Variants in TFCP2L1 observed in about 807,000 individuals in gnomAD.
The protein encoded by TFCP2L1 is transcription factor CP2 like 1.
Under a neutral mutation model 72.2 loss-of-function variants are expected in TFCP2L1, and 12 were observed. That is an observed-to-expected ratio of 0.17 (90% CI 0.11 to 0.27). TFCP2L1 has a LOEUF of 0.27. Among genes scored for constraint, TFCP2L1 ranks in the 10% least tolerant of loss-of-function variants. The pLI is 1.00. For synonymous variants in TFCP2L1, 260 were observed against 251.0 expected (o/e 1.04, Z -0.34); for missense variants, 488 against 624.6 (o/e 0.78, Z 2.33).
In TFCP2L1 at chr2:121,276,607, G is replaced by A. The variant is rs377272879; in HGVS notation, c.214+4513C>T. Among the ~76,000 whole-genome samples, 145 of 150,932 alleles carry A rather than the reference G, an allele frequency of 9.6e-4. 4 individuals carry two copies. In the South Asian group the frequency reaches 0.028, roughly 29 times the overall value. On this transcript the variant is annotated intron_variant, in intron 2 of 14. Transcript: ENST00000263707. ...GAGATGGAGCTACTGCACTCCAGTC[G>A]GGGTGATGGAGCAAGACCCTGTCTC...
intron 13 of TFCP2L1, among the ~76,000 whole-genome samples, chr2:121,229,617 C>G (rs1686099848): frequency 6.6e-6 from 1 of 152,202 alleles, no homozygotes; most frequent in Admixed American, 6.5e-5. Flanking sequence ...CCACCACTAG[C>G]TCCCCCAAAT....
chr2:121,269,907 T>TCAAAAAAAAAAAAAAAAAAAAAAAAAAAA (rs750107740), intron 2 of TFCP2L1, among the ~76,000 whole-genome samples: 2 of 77,608 alleles, frequency 2.6e-5, no homozygotes, highest in Non-Finnish European at 2.3e-5. Flanking sequence ...AGACTCCATC[T>TCAAAAAAAAAAAAAAAAAAAAAAAAAAAA]AAAAAAAAAA....
At chr2:121,244,203 C>T (rs984109833) in intron 6 of TFCP2L1, among the ~76,000 whole-genome samples, 13 of 152,224 alleles carry the variant, frequency 8.5e-5, no homozygotes, top group African/African-American at 3.1e-4. Flanking sequence ...ATGCAGGGCA[C>T]GCACTGGGCC....
chr2:121,241,622 A>T (rs1242949099), intron 7 of TFCP2L1, among the ~76,000 whole-genome samples: 1 of 152,194 alleles, frequency 6.6e-6, no homozygotes, highest in Non-Finnish European at 1.5e-5. Context: ...CCAGACAGCA[A>T]AATAACAAGT....
Position 121,223,179 on chromosome 2 carries a change from C to G in TFCP2L1, c.*1162G>C, listed in dbSNP as rs1685958389. ...CCCATGAACCTAAATTAACCAAGAG[C>G]TGAAGCCCTGGGCCAGTAGAGATCA... On this transcript the variant is annotated 3_prime_UTR_variant, in exon 15 of 15. Coordinates refer to ENST00000263707, the MANE Select transcript of TFCP2L1 (RefSeq NM_014553.3). 1 of 152,166 alleles carries G rather than the reference C, an allele frequency of 6.6e-6. No individual in the cohort carries two copies. The highest frequency in any genetic ancestry group is 1.5e-5 in the Non-Finnish European group (1 of 68,032). The allele number at this position is 152,166 out of a possible 1,614,324, so 9.4% of individuals were successfully genotyped here. A position where few individuals can be genotyped will look rare whatever the true frequency, so the allele number is the denominator to read the frequency against.
At position 121,235,363 on chromosome 2, in the gene TFCP2L1, C is replaced by T. The variant is rs770846843; in HGVS notation, c.1004-52G>A. The T allele has an allele frequency of 1.2e-5, 19 of 1,593,988 alleles. No individual in the cohort carries two copies. The African/African-American group carries it at 2.2e-4, about 18-fold the overall frequency. ...TGTTACATGGAACCCAGAGAAAGGG[C>T]TCGGTCCCCAACCAGCTGCAGACCC... On this transcript the variant is annotated intron_variant, in intron 10 of 14. Transcript: ENST00000263707.
chr2:121,235,137 T>A, intron 11 of TFCP2L1, 84 bp downstream of exon 11: 1 of 1,458,782 alleles, frequency 6.9e-7, no homozygotes, highest in South Asian at 1.2e-5. Flanking sequence ...CCACCCACCA[T>A]CCAAAAGGCT....
At chr2:121,232,722 C>T (rs542621950) in intron 12 of TFCP2L1, among the ~76,000 whole-genome samples, 8 of 152,236 alleles carry the variant, frequency 5.3e-5, no homozygotes, top group South Asian at 2.1e-4. Flanking sequence ...CCTGGTCTTT[C>T]CCCTGCCCGC....
Position 121,245,819 on chromosome 2 carries a change from G to A in TFCP2L1, c.657+999C>T, listed in dbSNP as rs138683947. 6.6e-4 allele frequency among the ~76,000 whole-genome samples: 101 copies of A among 152,266 alleles called. 1 individual carries two copies. Among genetic ancestry groups the A allele is most frequent in the Middle Eastern group, 6.8e-3 (2 of 294 alleles). On this transcript the variant is annotated intron_variant, in intron 6 of 14. Transcript: ENST00000263707. ...CCTGTGGGCATTTATTCCCACATCCGTTCCAAGCATGGGTCTTCCACAGGC... is the reference window on the plus strand; with the variant it reads ...CCTGTGGGCATTTATTCCCACATCCATTCCAAGCATGGGTCTTCCACAGGC...
chr2:121,225,541 AG>A lies in TFCP2L1; in HGVS notation c.1393+20del. On this transcript the variant is annotated intron_variant, in intron 14 of 14. Coordinates refer to ENST00000263707, the MANE Select transcript of TFCP2L1 (RefSeq NM_014553.3). ...TCTCACCTGCCCCCACAACTACCCT[AG>A]GGGGAGGGGGAGGCTTCACCTTTAA... 1 of 1,612,108 alleles carries A rather than the reference AG, an allele frequency of 6.2e-7. No individual in the cohort carries two copies. Among genetic ancestry groups the A allele is most frequent in the Non-Finnish European group, 8.5e-7 (1 of 1,178,506 alleles).
intron 11 of TFCP2L1, 23 bp from the exon 12 acceptor site, chr2:121,234,217 A>G (rs751928127): frequency 1.2e-6 from 2 of 1,605,374 alleles, no homozygotes; most frequent in African/African-American, 1.3e-5. Flanking sequence ...GAGAAAATAA[A>G]TAATAGGTGT....
At chr2:121,235,681 A>G (rs1245770146) in intron 10 of TFCP2L1, among the ~76,000 whole-genome samples, 1 of 151,060 alleles carries the variant, frequency 6.6e-6, no homozygotes, top group African/African-American at 2.4e-5. Flanking sequence ...CAGCCTCTCA[A>G]AGTACTGGGA....
At chr2:121,269,612 G>A (rs151002690) in intron 2 of TFCP2L1, among the ~76,000 whole-genome samples, 124 of 151,836 alleles carry the variant, frequency 8.2e-4, no homozygotes, top group African/African-American at 3.0e-3. Context: ...AAAACAAACA[G>A]CAAAAATTAT....
intron 13 of TFCP2L1, among the ~76,000 whole-genome samples, chr2:121,226,559 A>G (rs1686035667): frequency 6.6e-6 from 1 of 152,140 alleles, no homozygotes; most frequent in African/African-American, 2.4e-5. Flanking sequence ...GCGTCCTACA[A>G]AGACAAAATA....
At chr2:121,246,539 C>T (rs2104699763) in intron 6 of TFCP2L1, among the ~76,000 whole-genome samples, 1 of 152,258 alleles carries the variant, frequency 6.6e-6, no homozygotes, top group Middle Eastern at 3.4e-3. Flanking sequence ...TAGAGTAGCG[C>T]CGAGGACCGA....
intron 6 of TFCP2L1, among the ~76,000 whole-genome samples, chr2:121,246,131 T>C (rs1051860566): frequency 6.6e-6 from 1 of 152,204 alleles, no homozygotes; most frequent in African/African-American, 2.4e-5. Context: ...TGGGGCCTGC[T>C]TGGACATGGA....
chr2:121,281,080 C>T (rs1193704570), intron 2 of TFCP2L1, 40 bp downstream of exon 2: 1 of 1,612,698 alleles, frequency 6.2e-7, no homozygotes, highest in Non-Finnish European at 8.5e-7. Flanking sequence ...CTCCCCACTA[C>T]TTCTGGGTTC....
intron 5 of TFCP2L1, 128 bp from the exon 6 acceptor site, chr2:121,247,098 T>A: frequency 9.0e-7 from 1 of 1,111,112 alleles, no homozygotes; most frequent in Non-Finnish European, 1.3e-6. Flanking sequence ...TCGACCTCCC[T>A]GCTTTCCCTG....
chr2:121,269,762 A>G (rs1410080284), intron 2 of TFCP2L1, among the ~76,000 whole-genome samples: 1 of 152,022 alleles, frequency 6.6e-6, no homozygotes, highest in Non-Finnish European at 1.5e-5. Context: ...TACAAAAATT[A>G]GCCAGGCGTG....
Sources: gnomAD v4.1 joint callset for allele counts (sites outside exome capture counted in the v4.1 genomes callset) on GRCh38, gnomAD v4.1.1 for gene constraint, MANE v1.5 for transcripts, NCBI Gene and HGNC (gene_info 2026-07-23, HGNC 2026-07-21) for gene names.